CADPS2: variants seen among roughly 807,000 people sequenced by gnomAD.
CADPS2 encodes calcium dependent secretion activator 2, also known as calcium-dependent secretion activator 2.
In CADPS2, 93 loss-of-function variants were observed where a neutral mutation model predicts 172.5. The ratio of observed to expected loss-of-function variants is 0.54; its 90% CI spans 0.46 to 0.64. The LOEUF is 0.64. CADPS2 is among the 30% of genes least tolerant of loss of function. CADPS2 has a pLI of 0.00. For missense variants in CADPS2, 1,420 were observed against 1,565.9 expected (o/e 0.91, Z 1.57); for synonymous variants, 546 against 555.2 (o/e 0.98, Z 0.23).
chr7:122,808,375 G>A (rs1318656419), intron 1 of CADPS2, among the ~76,000 whole-genome samples: 1 of 152,186 alleles, frequency 6.6e-6, no homozygotes, highest in Non-Finnish European at 1.5e-5. Flanking sequence ...GTATAGCCCA[G>A]TTACATTCTC....
intron 24 of CADPS2, among the ~76,000 whole-genome samples, chr7:122,381,000 A>T (rs1353627898): frequency 6.6e-6 from 1 of 152,148 alleles, no homozygotes; most frequent in Non-Finnish European, 1.5e-5. Flanking sequence ...GCTGGCAGTT[A>T]AACTTCTGAT....
chr7:122,790,932 G>C (rs1795164742), intron 1 of CADPS2, among the ~76,000 whole-genome samples: 1 of 152,112 alleles, frequency 6.6e-6, no homozygotes, highest in African/African-American at 2.4e-5. Context: ...CTATGATCAG[G>C]TACATAAAGA....
At position 122,569,734 on chromosome 7, in the gene CADPS2, T is replaced by C. The variant is rs773584718; in HGVS notation, c.1335+11445A>G. Among the ~76,000 whole-genome samples, 852 of 147,820 alleles carry C rather than the reference T, an allele frequency of 5.8e-3. 2 individuals carry two copies. The highest frequency in any genetic ancestry group is 0.01 in the Middle Eastern group (3 of 294). The stretch of plus-strand genomic sequence containing the variant: ...GCCCTCAGAAATAACGCCACATACC[T>C]ACAACTATCTGATCTTTGACAAACC... On this transcript the variant is annotated intron_variant, in intron 7 of 29. Coordinates refer to ENST00000449022, the MANE Select transcript of CADPS2 (RefSeq NM_017954.11).
intron 28 of CADPS2, among the ~76,000 whole-genome samples, chr7:122,335,122 G>A (rs1419169520): frequency 6.6e-6 from 1 of 152,176 alleles, no homozygotes; most frequent in African/African-American, 2.4e-5. Context: ...TTTACACATA[G>A]TAATTGAATG....
chr7:122,487,464 T>TA (rs938956198), intron 11 of CADPS2, among the ~76,000 whole-genome samples: 2 of 152,124 alleles, frequency 1.3e-5, no homozygotes, highest in African/African-American at 4.8e-5. Context: ...GAAAATAGCC[T>TA]AATTACAAAT....
At chr7:122,491,713 C>T (rs1008240113) in intron 9 of CADPS2, among the ~76,000 whole-genome samples, 1 of 152,140 alleles carries the variant, frequency 6.6e-6, no homozygotes, top group South Asian at 2.1e-4. Flanking sequence ...CATGTTGATA[C>T]GTTTGGGATC....
chr7:122,556,937 T>C (rs1003670075), intron 7 of CADPS2, among the ~76,000 whole-genome samples: 1 of 152,160 alleles, frequency 6.6e-6, no homozygotes, highest in Non-Finnish European at 1.5e-5. Flanking sequence ...ATTTAGTTAA[T>C]TTCTGGGTAT....
chr7:122,662,462 G>A (rs1432964468), intron 3 of CADPS2, among the ~76,000 whole-genome samples: 6 of 144,136 alleles, frequency 4.2e-5, no homozygotes, highest in African/African-American at 7.7e-5. Flanking sequence ...TGCAACCTCC[G>A]CCTCCCAGGT....
At chr7:122,321,339 A>G (rs532383689) in intron 29 of CADPS2, among the ~76,000 whole-genome samples, 3 of 152,122 alleles carry the variant, frequency 2.0e-5, no homozygotes, top group South Asian at 4.1e-4. Context: ...GCTAACTTTT[A>G]AATTTTTTTG....
At chr7:122,586,458 CAT>C (rs2069710320) in intron 6 of CADPS2, among the ~76,000 whole-genome samples, 1 of 151,920 alleles carries the variant, frequency 6.6e-6, no homozygotes, top group Admixed American at 6.6e-5. Context: ...TAATTTTCCA[CAT>C]GTCCTAAACT....
At chr7:122,361,224 CTTTTTTTTTT>C (rs376434122) in intron 25 of CADPS2, among the ~76,000 whole-genome samples, 1 of 103,416 alleles carries the variant, frequency 9.7e-6, no homozygotes, top group South Asian at 3.2e-4. Context: ...AAATAATACA[CTTTTTTTTTT>C]TTTTTTTTTT....
intron 8 of CADPS2, among the ~76,000 whole-genome samples, chr7:122,549,553 G>A (rs1466197269): frequency 6.6e-6 from 1 of 151,926 alleles, no homozygotes; most frequent in Non-Finnish European, 1.5e-5. Context: ...CCTAGGAGGT[G>A]GAGGTTGCAG....
chr7:122,831,853 T>C (rs1806664124), intron 1 of CADPS2, among the ~76,000 whole-genome samples: 1 of 152,184 alleles, frequency 6.6e-6, no homozygotes, highest in African/African-American at 2.4e-5. Flanking sequence ...CTTGCCATGC[T>C]AGAAAACTAA....
chr7:122,640,350 C>T (rs1237675491), intron 3 of CADPS2, among the ~76,000 whole-genome samples: 1 of 152,058 alleles, frequency 6.6e-6, no homozygotes, highest in African/African-American at 2.4e-5. Context: ...TTTCTCTAGC[C>T]ACTTCAAAGC....
At chr7:122,502,318 A>T (rs993017767) in intron 9 of CADPS2, among the ~76,000 whole-genome samples, 13 of 152,066 alleles carry the variant, frequency 8.5e-5, no homozygotes, top group Non-Finnish European at 1.5e-4. Context: ...TCATCCCTTT[A>T]GTTTTTTCAT....
chr7:122,703,495 A>G (rs1424496936), intron 2 of CADPS2, among the ~76,000 whole-genome samples: 2 of 152,092 alleles, frequency 1.3e-5, no homozygotes, highest in Non-Finnish European at 2.9e-5. Context: ...AACAGTGTAA[A>G]CTCTTATTGT....
At chr7:122,697,146 T>C (rs375872678) in intron 2 of CADPS2, among the ~76,000 whole-genome samples, 1 of 152,184 alleles carries the variant, frequency 6.6e-6, no homozygotes, top group Non-Finnish European at 1.5e-5. Flanking sequence ...AAATAGTTGC[T>C]GTTCACTTAA....
chr7:122,758,693 C>CT (rs1394010953), intron 1 of CADPS2, among the ~76,000 whole-genome samples: 1 of 152,092 alleles, frequency 6.6e-6, no homozygotes, highest in African/African-American at 2.4e-5. Flanking sequence ...ATTTACTGGC[C>CT]TTTCCCTAAG....
intron 1 of CADPS2, among the ~76,000 whole-genome samples, chr7:122,865,606 T>C (rs1818103948): frequency 6.6e-6 from 1 of 152,228 alleles, no homozygotes; most frequent in Non-Finnish European, 1.5e-5. Flanking sequence ...TTAAGACTGA[T>C]GATCTTATGG....
Sources: allele counts gnomAD v4.1 joint callset (sites outside exome capture counted in the v4.1 genomes callset), GRCh38; gene constraint gnomAD v4.1.1; transcripts MANE v1.5; gene names NCBI Gene and HGNC (gene_info 2026-07-23, HGNC 2026-07-21).